SACS: variants seen among roughly 807,000 people sequenced by gnomAD.
SACS encodes sacsin.
Under a neutral mutation model 348.0 loss-of-function variants are expected in SACS, and 197 were observed. That is an observed-to-expected ratio of 0.57 (90% confidence interval 0.50 to 0.64). The LOEUF is 0.64. Among genes scored for constraint, SACS ranks in the 30% least tolerant of loss-of-function variants. SACS has a pLI of 0.00. For synonymous variants in SACS, 1,985 were observed against 1,910.6 expected, an observed-to-expected ratio of 1.04 and a Z score of -1.02; for missense variants, 4,999 against 5,360.8, an observed-to-expected ratio of 0.93 and a Z score of 2.11.
rs1010254209 is a variant in SACS at position 23,411,670 on chromosome 13, A to G, written c.-431T>C. 5.8e-6 allele frequency: 1 copy of G among 171,544 alleles called. No homozygotes were observed. The highest frequency in any genetic ancestry group is 2.4e-5 in the African/African-American group (1 of 41,732). 10.6% of individuals were successfully genotyped at this position (171,544 alleles called of 1,614,324 possible). A position where few individuals can be genotyped will look rare whatever the true frequency, so the allele number is the denominator to read the frequency against. On this transcript the variant is annotated 5_prime_UTR_variant, in exon 2 of 10. Coordinates refer to ENST00000382292, the MANE Select transcript of SACS (RefSeq NM_014363.6). Reference sequence around the variant, plus strand: ...TTCTCACCCTCATCTCAGCAGATGTAAAATATTCTTTGGTAGGAGCCTTTC... The same window carrying G: ...TTCTCACCCTCATCTCAGCAGATGTGAAATATTCTTTGGTAGGAGCCTTTC...
At chr13:23,429,345 A>ATTTTTTTTTTTTTTTTTTT (rs536939164) in intron 1 of SACS, among the ~76,000 whole-genome samples, 2 of 51,466 alleles carry the variant, frequency 3.9e-5, no homozygotes, top group Non-Finnish European at 6.9e-5. Context: ...TGAGGTAGGG[A>ATTTTTTTTTTTTTTTTTTT]TTTTTTTTTT....
rs2137565097 is a variant in SACS at position 23,332,257 on chromosome 13, T to C, written c.11619A>G (p.Glu3873=). The change falls in exon 10 of 10, where the codon GAA becomes GAG. Residue 3873 remains glutamate, a synonymous_variant. Coordinates refer to ENST00000382292, the MANE Select transcript of SACS (RefSeq NM_014363.6). ...AAACTACTCTCTTAACTGTACGCATTTCATTAGGATCTAATTGTTTGCCCT... is the reference window on the plus strand; with the variant it reads ...AAACTACTCTCTTAACTGTACGCATCTCATTAGGATCTAATTGTTTGCCCT... ...NSEGKQLDPN[E]MRTVKRVVSG... The C allele has an allele frequency of 6.2e-7, 1 of 1,613,984 alleles. No homozygotes were observed. The highest frequency in any genetic ancestry group is 8.5e-7 in the Non-Finnish European group (1 of 1,179,920).
rs1883704767 is a variant in SACS at position 23,334,537 on chromosome 13, A to G, written c.9339T>C (p.His3113=). 1 of 1,613,414 alleles carries G rather than the reference A, an allele frequency of 6.2e-7. No individual in the cohort carries two copies. The highest frequency in any genetic ancestry group is 1.3e-5 in the African/African-American group (1 of 74,896). Residue 3113 remains histidine, a synonymous_variant, in exon 10 of 10, where the codon CAT becomes CAC. Transcript: ENST00000382292. ...GCAGACGACAAGGCAGCTTCCCAAT[A>G]TGGCAATTAGTGTCAGGAGAGGAAA... ...MTFSSPDTNC[H]IGKLPCRLQQ...
chr13:23,386,086 G>T (rs1032528162), intron 2 of SACS, among the ~76,000 whole-genome samples: 7 of 152,168 alleles, frequency 4.6e-5, no homozygotes, highest in African/African-American at 1.4e-4. Flanking sequence ...TAATGCTTAA[G>T]CGCCCTAGGA....
intron 1 of SACS, among the ~76,000 whole-genome samples, chr13:23,420,043 T>G (rs1160207214): frequency 6.6e-6 from 1 of 152,142 alleles, no homozygotes; most frequent in East Asian, 1.9e-4. Flanking sequence ...GATGTTCATC[T>G]GGGACCTGGT....
At chr13:23,389,806 A>C (rs1407277931) in intron 2 of SACS, among the ~76,000 whole-genome samples, 6 of 152,224 alleles carry the variant, frequency 3.9e-5, no homozygotes, top group Non-Finnish European at 8.8e-5. Context: ...TACTGTGAGA[A>C]GGATCAGTTC....
intron 5 of SACS, among the ~76,000 whole-genome samples, chr13:23,365,557 G>C (rs911522534): frequency 6.6e-6 from 1 of 151,964 alleles, no homozygotes; most frequent in Non-Finnish European, 1.5e-5. Context: ...ATTTATAACT[G>C]TCTCATATTT....
intron 6 of SACS, among the ~76,000 whole-genome samples, chr13:23,360,388 CAAAA>C (rs869085963): frequency 3.1e-5 from 2 of 64,258 alleles, no homozygotes; most frequent in Non-Finnish European, 3.1e-5. Flanking sequence ...TCTACAAAGA[CAAAA>C]AAAAAAAAAA....
chr13:23,429,270 A>G (rs1258096198), intron 1 of SACS, among the ~76,000 whole-genome samples: 1 of 148,960 alleles, frequency 6.7e-6, no homozygotes, highest in Admixed American at 6.7e-5. Context: ...TTAAAAACTA[A>G]TTCTTTGGGG....
chr13:23,350,897 G>C (rs570649108), intron 9 of SACS, among the ~76,000 whole-genome samples: 1 of 152,182 alleles, frequency 6.6e-6, no homozygotes, highest in Non-Finnish European at 1.5e-5. Flanking sequence ...GACTCAAAGG[G>C]ACAGATGTTT....
Position 23,334,180 on chromosome 13 carries a change from T to G in SACS, c.9696A>C (p.Thr3232=). The change falls in exon 10 of 10, where the codon ACA becomes ACC. Residue 3232 remains threonine, a synonymous_variant. Coordinates refer to ENST00000382292, the MANE Select transcript of SACS (RefSeq NM_014363.6). The part of the protein sequence containing the change: ...LPREYKTKSC[T]KWKDNFASES... ...CACTTGCAAAATTGTCTTTCCACTT[T>G]GTGCAACTTTTGGTCTTATATTCTC... 1 of 1,613,916 alleles carries G rather than the reference T, an allele frequency of 6.2e-7. No homozygotes were observed. The highest frequency in any genetic ancestry group is 8.5e-7 in the Non-Finnish European group (1 of 1,179,826).
At chr13:23,379,430 C>G (rs117914837) in intron 2 of SACS, among the ~76,000 whole-genome samples, 2 of 152,292 alleles carry the variant, frequency 1.3e-5, no homozygotes, top group East Asian at 3.9e-4. Flanking sequence ...CTCACGCTCC[C>G]CTCACTCTGG....
rs748391057 is a variant in SACS at position 23,354,910 on chromosome 13, C to T, written c.1702G>A (p.Asp568Asn). 10 of 1,614,102 alleles carry T rather than the reference C, an allele frequency of 6.2e-6. No homozygotes were observed. Among genetic ancestry groups the T allele is most frequent in the African/African-American group, 2.7e-5 (2 of 74,940 alleles). ...QNAVIYSISC[D>N]WVRLEQVYFS... ...TACACCTGCTCCAACCTGACCCAGT[C>T]ACAGCTAATTGAATAAATCACTGCA... The change falls in exon 8 of 10, where the codon GAC becomes AAC. Residue 568 changes from aspartate to asparagine, a missense_variant. Asp to Asn is a conservative substitution (Grantham distance 23). This residue lies in a region of SACS where 3,156 missense variants were observed against 3,380.1 expected (regional missense o/e 0.93). Coordinates refer to ENST00000382292, the MANE Select transcript of SACS (RefSeq NM_014363.6).
chr13:23,377,670 C>T (rs1157286531), intron 2 of SACS, among the ~76,000 whole-genome samples: 4 of 152,168 alleles, frequency 2.6e-5, no homozygotes, highest in Admixed American at 6.5e-5. Flanking sequence ...CTTCCTTCCC[C>T]GGTACCCACT....
chr13:23,375,010 G>C, intron 3 of SACS, 109 bp downstream of exon 3: 3 of 1,126,886 alleles, frequency 2.7e-6, no homozygotes, highest in Non-Finnish European at 3.5e-6. Context: ...CACGCTGCCG[G>C]AGTCATTCGC....
chr13:23,368,255 T>C (rs1871181175), intron 5 of SACS, 147 bp downstream of exon 5: 1 of 629,450 alleles, frequency 1.6e-6, no homozygotes, highest in Non-Finnish European at 2.8e-6. Context: ...TATACACTGC[T>C]ATACACTGCA....
chr13:23,389,402 TA>T (rs1872438130), intron 2 of SACS, among the ~76,000 whole-genome samples: 1 of 152,020 alleles, frequency 6.6e-6, no homozygotes, highest in Admixed American at 6.6e-5. Flanking sequence ...TTCAGAATTG[TA>T]AAAAAATATA....
intron 9 of SACS, among the ~76,000 whole-genome samples, chr13:23,342,408 G>A (rs1404576129): frequency 1.3e-5 from 2 of 152,076 alleles, no homozygotes; most frequent in African/African-American, 4.8e-5. Flanking sequence ...TTTATTTAAA[G>A]GTAAAAATTG....
Position 23,335,643 on chromosome 13 carries a change from C to T in SACS, c.8233G>A (p.Glu2745Lys), listed in dbSNP as rs745462710. The T allele has an allele frequency of 1.9e-6, 3 of 1,613,790 alleles. No homozygotes were observed. Among genetic ancestry groups the T allele is most frequent in the Non-Finnish European group, 1.7e-6 (2 of 1,179,884 alleles). ...TCTATTTCACAAATAGAAATTTTTT[C>T]CATGTGATTAAGAAACATTAGAAGT... ...AELLMFLNHM[E>K]KISICEIDKS... is the part of the protein sequence containing the mutation. Residue 2745 changes from glutamate to lysine, a missense_variant, in exon 10 of 10, where the codon GAA becomes AAA. Glu to Lys is a moderately conservative substitution (Grantham distance 56). Transcript: ENST00000382292. The surrounding 1 kb of genome is among the most constrained non-coding windows in gnomAD (Gnocchi z 4.7).
Sources: gnomAD v4.1 joint callset for allele counts (sites outside exome capture counted in the v4.1 genomes callset) on GRCh38, gnomAD v4.1.1 for gene constraint, gnomAD v4.1.1 regional missense constraint, Gnocchi (gnomAD v3.1) non-coding constraint, MANE v1.5 for transcripts, NCBI Gene and HGNC (gene_info 2026-07-23, HGNC 2026-07-21) for gene names.